GRM3: variants seen among roughly 807,000 people sequenced by gnomAD.
GRM3 encodes metabotropic glutamate receptor 3.
Under a neutral mutation model 70.5 loss-of-function variants are expected in GRM3, and 26 were observed. That is an observed-to-expected ratio of 0.37 (90% CI 0.27 to 0.51). The LOEUF is 0.51. Among genes scored for constraint, GRM3 ranks in the 20% least tolerant of loss-of-function variants. The pLI, the probability that GRM3 is intolerant of heterozygous loss-of-function variation, is 0.93. For missense variants in GRM3, 859 were observed against 1,123.8 expected (o/e 0.76, Z 3.37); for synonymous variants, 443 against 434.9 (o/e 1.02, Z -0.23).
intron 1 of GRM3, among the ~76,000 whole-genome samples, chr7:86,704,170 A>G (rs1381353786): frequency 6.6e-6 from 1 of 151,990 alleles, no homozygotes; most frequent in Non-Finnish European, 1.5e-5. Context: ...TGTATTACTA[A>G]AAAGTACTAG....
chr7:86,795,909 T>C (rs553153832), intron 3 of GRM3, among the ~76,000 whole-genome samples: 6 of 152,234 alleles, frequency 3.9e-5, no homozygotes, highest in Admixed American at 1.3e-4. Flanking sequence ...CCACCATCTA[T>C]TGTTTCTTGA....
chr7:86,749,650 G>A (rs2237555), intron 1 of GRM3, among the ~76,000 whole-genome samples: 61,121 of 151,862 alleles, frequency 0.4, 15,348 homozygotes, highest in African/African-American at 0.72. Context: ...TCCTGAAACT[G>A]AAATGAAGCA....
chr7:86,672,785 CA>C (rs889507247), intron 1 of GRM3, among the ~76,000 whole-genome samples: 8 of 152,150 alleles, frequency 5.3e-5, no homozygotes, highest in Non-Finnish European at 8.8e-5. Flanking sequence ...TTAGAAGACT[CA>C]TGTCAAGCTT....
At chr7:86,782,739 G>A (rs770979684) in intron 2 of GRM3, among the ~76,000 whole-genome samples, 1 of 152,174 alleles carries the variant, frequency 6.6e-6, no homozygotes, top group Non-Finnish European at 1.5e-5. Flanking sequence ...CTAGCACCCA[G>A]TGGATTCTTT....
chr7:86,768,103 G>T (rs1796651795), intron 2 of GRM3, among the ~76,000 whole-genome samples: 1 of 146,456 alleles, frequency 6.8e-6, no homozygotes, highest in Non-Finnish European at 1.5e-5. Flanking sequence ...AAAGACCTGA[G>T]TTTGAATTCC....
chr7:86,669,673 T>C lies in GRM3; in HGVS notation c.-141+24801T>C, dbSNP rs1794121835. Among the ~76,000 whole-genome samples the C allele has an allele frequency of 2.0e-5, 3 of 152,310 alleles. No homozygotes were observed. The Middle Eastern group carries it at 0.01, about 518-fold the overall frequency. On this transcript the variant is annotated intron_variant, in intron 1 of 5. Transcript: ENST00000361669. ...ACATTTCACAACAAGTATTTTCTCTTATATATTTTGTTCCATTCCAAGTCC... is the reference window on the plus strand; with the variant it reads ...ACATTTCACAACAAGTATTTTCTCTCATATATTTTGTTCCATTCCAAGTCC...
chr7:86,766,593 C>T (rs1796605770), intron 2 of GRM3, among the ~76,000 whole-genome samples: 2 of 152,100 alleles, frequency 1.3e-5, no homozygotes, highest in Non-Finnish European at 2.9e-5. Context: ...TTCATGAAAA[C>T]TCCCACTGGT....
chr7:86,687,418 C>T (rs2082342204), intron 1 of GRM3, among the ~76,000 whole-genome samples: 1 of 151,826 alleles, frequency 6.6e-6, no homozygotes, highest in Non-Finnish European at 1.5e-5. Context: ...ATTTTGACTA[C>T]CAATTCTTCA....
intron 1 of GRM3, among the ~76,000 whole-genome samples, chr7:86,680,806 C>T (rs77798608): frequency 0.02 from 3,043 of 152,176 alleles, 104 homozygotes; most frequent in African/African-American, 0.069. Context: ...ATATTAGCTA[C>T]ACTTTAGCCA....
At chr7:86,681,686 G>A (rs185958836) in intron 1 of GRM3, among the ~76,000 whole-genome samples, 1 of 152,128 alleles carries the variant, frequency 6.6e-6, no homozygotes, top group African/African-American at 2.4e-5. Context: ...TGAATGCTGA[G>A]GTAACATCTC....
At chr7:86,744,716 G>C (rs553323637) in intron 1 of GRM3, among the ~76,000 whole-genome samples, 12 of 152,222 alleles carry the variant, frequency 7.9e-5, no homozygotes, top group African/African-American at 2.9e-4. Context: ...AGGTGAATAA[G>C]GAGCTGAATA....
At chr7:86,665,722 T>C (rs1794008300) in intron 1 of GRM3, among the ~76,000 whole-genome samples, 1 of 152,068 alleles carries the variant, frequency 6.6e-6, no homozygotes, top group African/African-American at 2.4e-5. Context: ...AGTAAGAAAA[T>C]GAGAATTTTA....
chr7:86,681,884 T>G (rs1794450041), intron 1 of GRM3, among the ~76,000 whole-genome samples: 1 of 152,190 alleles, frequency 6.6e-6, no homozygotes, highest in South Asian at 2.1e-4. Flanking sequence ...AAAAAGTTCT[T>G]GTGATATGTG....
intron 1 of GRM3, among the ~76,000 whole-genome samples, chr7:86,674,427 C>A (rs945884043): frequency 3.3e-5 from 5 of 152,064 alleles, no homozygotes; most frequent in African/African-American, 1.2e-4. Flanking sequence ...ACCATCACTT[C>A]ATTTTATTCT....
At chr7:86,817,128 T>C (rs1457580559) in intron 3 of GRM3, among the ~76,000 whole-genome samples, 1 of 151,934 alleles carries the variant, frequency 6.6e-6, no homozygotes, top group East Asian at 1.9e-4. Flanking sequence ...ATGAAGCTTG[T>C]CAAGGTGTAG....
At chr7:86,657,232 G>T (rs951734061) in intron 1 of GRM3, among the ~76,000 whole-genome samples, 1 of 152,184 alleles carries the variant, frequency 6.6e-6, no homozygotes, top group African/African-American at 2.4e-5. Flanking sequence ...GGAGGACAAA[G>T]AAAAGAATAA....
intron 3 of GRM3, among the ~76,000 whole-genome samples, chr7:86,794,239 G>C (rs1403876412): frequency 6.6e-6 from 1 of 152,072 alleles, no homozygotes. Context: ...TTCCACTTCT[G>C]TATACCTTTA....
At chr7:86,805,504 T>G (rs1797771683) in intron 3 of GRM3, among the ~76,000 whole-genome samples, 1 of 152,184 alleles carries the variant, frequency 6.6e-6, no homozygotes, top group African/African-American at 2.4e-5. Flanking sequence ...CTATATGTTT[T>G]AAGTGTAAAA....
intron 5 of GRM3, among the ~76,000 whole-genome samples, chr7:86,862,734 G>T (rs1021810985): frequency 6.6e-6 from 1 of 152,158 alleles, no homozygotes; most frequent in Admixed American, 6.6e-5. Context: ...AGATTCCCTA[G>T]TGGTGGACCT....
Sources: gnomAD v4.1 joint callset for allele counts (sites outside exome capture counted in the v4.1 genomes callset) on GRCh38, gnomAD v4.1.1 for gene constraint, MANE v1.5 for transcripts, NCBI Gene and HGNC (gene_info 2026-07-23, HGNC 2026-07-21) for gene names.